FAHD2B: variants seen among roughly 807,000 people sequenced by gnomAD.
FAHD2B encodes the protein fumarylacetoacetate hydrolase domain containing 2B.
Under a neutral mutation model 33.7 loss-of-function variants are expected in FAHD2B, and 26 were observed. The ratio of observed to expected loss-of-function variants is 0.77; its 90% CI spans 0.57 to 1.07. The LOEUF is 1.07. Among genes scored for constraint, FAHD2B ranks in the 50% least tolerant of loss-of-function variants. The pLI, the probability that FAHD2B is intolerant of heterozygous loss-of-function variation, is 0.00. For synonymous variants in FAHD2B, 108 were observed against 150.9 expected, an observed-to-expected ratio of 0.72 and a Z score of 2.08; for missense variants, 272 against 388.1, an observed-to-expected ratio of 0.70 and a Z score of 2.51.
chr2:97,087,864 A>G (rs1245270370), intron 4 of FAHD2B, among the ~76,000 whole-genome samples: 1 of 152,126 alleles, frequency 6.6e-6, no homozygotes. Flanking sequence ...CGTCTTCACA[A>G]TGGAGGGACC....
Position 97,091,953 on chromosome 2 carries a change from A to G in FAHD2B, c.-97T>C, listed in dbSNP as rs974778705. ...CAGGGATTCCAGCGTTCCTTCAACC[A>G]GTGCTTTCTGAAAGTTCCCACTGTG... On this transcript the variant is annotated 5_prime_UTR_variant, in exon 2 of 9. Coordinates refer to ENST00000414820, the MANE Select transcript of FAHD2B (RefSeq NM_001320848.2). The G allele has an allele frequency of 4.7e-5, 22 of 466,326 alleles. No homozygotes were observed. The highest frequency in any genetic ancestry group is 4.1e-4 in the African/African-American group (21 of 51,798). The allele number at this position is 466,326 out of a possible 1,614,324, so 28.9% of individuals were successfully genotyped here.
At chr2:97,083,885 A>C in intron 8 of FAHD2B, 63 bp downstream of exon 8, 1 of 1,614,032 alleles carries the variant, frequency 6.2e-7, no homozygotes, top group Non-Finnish European at 8.5e-7. Flanking sequence ...TGTACTTCTC[A>C]AGTCTGAGCC....
Position 97,085,865 on chromosome 2 carries a change from T to C in FAHD2B, c.523-4A>G. ...CGTGGGCCATGGCATCTGTGGCCTA[T>C]GGGGGCAGGGGATTTGGCCATACAG... On this transcript the variant is annotated splice_polypyrimidine_tract_variant and splice_region_variant and intron_variant, in intron 5 of 8. Transcript: ENST00000414820. 2.5e-6 allele frequency: 4 copies of C among 1,613,786 alleles called. No individual in the cohort carries two copies. The highest frequency in any genetic ancestry group is 2.5e-6 in the Non-Finnish European group (3 of 1,179,822).
downstream of FAHD2B, chr2:97,082,630 AGAG>A (rs2031691526): frequency 1.7e-5 from 27 of 1,542,958 alleles, no homozygotes; most frequent in Non-Finnish European, 2.3e-5. Flanking sequence ...TCTTTAAACA[AGAG>A]GAGAGAAGCC....
chr2:97,083,179 C>T, downstream of FAHD2B: 1 of 1,602,744 alleles, frequency 6.2e-7, no homozygotes, highest in Non-Finnish European at 8.5e-7. Flanking sequence ...AGGCCCCAGG[C>T]TCCACCTATC....
At chr2:97,093,623 T>C (rs1435734849) in intron 1 of FAHD2B, among the ~76,000 whole-genome samples, 2 of 151,996 alleles carry the variant, frequency 1.3e-5, no homozygotes, top group South Asian at 2.1e-4. Flanking sequence ...TACAGGCGCA[T>C]GCCGCCACGC....
chr2:97,091,213 G>A (rs79062064), intron 3 of FAHD2B, among the ~76,000 whole-genome samples: 4,900 of 87,384 alleles, frequency 0.056, 447 homozygotes, highest in African/African-American at 0.13. Flanking sequence ...TAGAGTCCTG[G>A]TTCCAGCACC....
chr2:97,083,389 C>T (rs1574367246), downstream of FAHD2B: 2 of 1,469,440 alleles, frequency 1.4e-6, no homozygotes. Context: ...GCTTGATTGT[C>T]CCTTGCCATC....
At chr2:97,091,388 G>A (rs1386484538) in intron 3 of FAHD2B, 74 bp downstream of exon 3, 8 of 1,450,846 alleles carry the variant, frequency 5.5e-6, no homozygotes, top group Non-Finnish European at 7.3e-6. Context: ...ACCTGCTGGT[G>A]CTGTTTCCCA....
chr2:97,094,830 G>T lies in FAHD2B; in HGVS notation c.-262C>A, dbSNP rs1451894514. 1.5e-5 allele frequency: 2 copies of T among 129,556 alleles called. No homozygotes were observed. The highest frequency in any genetic ancestry group is 3.2e-5 in the Non-Finnish European group (2 of 61,782). 8.0% of individuals were successfully genotyped at this position (129,556 alleles called of 1,614,324 possible). On this transcript the variant is annotated 5_prime_UTR_variant, in exon 1 of 9. Coordinates refer to ENST00000414820, the MANE Select transcript of FAHD2B (RefSeq NM_001320848.2). ...ATCCAGCCGGGGAACTACAGCAGCG[G>T]CGAAGTCACTGCCGCTCGGTGCGCA...
downstream of FAHD2B, chr2:97,083,439 C>T (rs1310890424): frequency 1.8e-5 from 25 of 1,376,008 alleles, no homozygotes; most frequent in Admixed American, 2.3e-4. Context: ...AACAAGGGGA[C>T]GAGACGAGTT....
chr2:97,081,370 G>C (rs1220108024), downstream of FAHD2B: 4 of 1,564,376 alleles, frequency 2.6e-6, no homozygotes, highest in Non-Finnish European at 3.4e-6. Flanking sequence ...GCCTTGCCCG[G>C]TCTTTGGCTA....
downstream of FAHD2B, chr2:97,081,010 G>C: frequency 1.6e-6 from 2 of 1,246,448 alleles, no homozygotes; most frequent in Non-Finnish European, 2.1e-6. Context: ...CCTCATGCCT[G>C]TGATCCCAGC....
chr2:97,080,008 T>C (rs1340644041), downstream of FAHD2B, among the ~76,000 whole-genome samples: 2 of 152,154 alleles, frequency 1.3e-5, no homozygotes, highest in African/African-American at 2.4e-5. Context: ...GTTAGATGCA[T>C]AGTTTGCAAA....
chr2:97,086,142 G>A lies in FAHD2B; in HGVS notation c.519C>T (p.Ile173=). 1 of 1,612,970 alleles carries A rather than the reference G, an allele frequency of 6.2e-7. No individual in the cohort carries two copies. The highest frequency in any genetic ancestry group is 8.5e-7 in the Non-Finnish European group (1 of 1,179,626). Reference sequence around the variant, plus strand: ...GAGCCCACCCTTTCCACCTCACCTTGATGTGCTTGCCTTTCTTTCCAATGA... The same window carrying A: ...GAGCCCACCCTTTCCACCTCACCTTAATGTGCTTGCCTTTCTTTCCAATGA... The part of the protein sequence containing the change: ...AVVIGKKGKH[I]KATDAMAHVA... Residue 173 remains isoleucine (I), a synonymous_variant, in exon 5 of 9, where the codon ATC becomes ATT. Transcript: ENST00000414820.
In FAHD2B at chr2:97,094,810, G is replaced by C. The variant is rs944575924; in HGVS notation, c.-242C>G. 4 of 129,356 alleles carry C rather than the reference G, an allele frequency of 3.1e-5. No homozygotes were observed. The highest frequency in any genetic ancestry group is 4.9e-5 in the Non-Finnish European group (3 of 61,716). 8.0% of individuals were successfully genotyped at this position (129,356 alleles called of 1,614,324 possible). On this transcript the variant is annotated 5_prime_UTR_variant, in exon 1 of 9. Transcript: ENST00000414820. Reference sequence around the variant, plus strand: ...GCACTGGCACCAGTCACCGCATCCAGCCGGGGAACTACAGCAGCGGCGAAG... The same window carrying C: ...GCACTGGCACCAGTCACCGCATCCACCCGGGGAACTACAGCAGCGGCGAAG...
chr2:97,089,525 A>C (rs1286814785), intron 4 of FAHD2B, among the ~76,000 whole-genome samples: 2 of 149,396 alleles, frequency 1.3e-5, no homozygotes, highest in Non-Finnish European at 3.0e-5. Context: ...CTCAAAAAAA[A>C]AAAAAAAAAA....
chr2:97,086,231 T>C (rs531036800), intron 4 of FAHD2B, 33 bp from the exon 5 acceptor site: 2 of 1,606,684 alleles, frequency 1.2e-6, no homozygotes, highest in East Asian at 2.2e-5. Context: ...TGAGCCGCAG[T>C]GGCTTCGGGG....
At chr2:97,081,169 T>C, downstream of FAHD2B, 1 of 1,479,906 alleles carries the variant, frequency 6.8e-7, no homozygotes, top group South Asian at 1.4e-5. Context: ...GCAGGGCATA[T>C]TGCTGCTGAG....
Sources: gnomAD v4.1 joint callset for allele counts (sites outside exome capture counted in the v4.1 genomes callset) on GRCh38, gnomAD v4.1.1 for gene constraint, MANE v1.5 for transcripts, NCBI Gene and HGNC (gene_info 2026-07-23, HGNC 2026-07-21) for gene names.